The following TOGARAM2 variants were observed in gnomAD, a reference collection of about 807,000 sequenced individuals.
The protein encoded by TOGARAM2 is TOG array regulator of axonemal microtubules 2.
A neutral mutation model predicts 93.3 loss-of-function variants in TOGARAM2; 85 were observed. The observed-to-expected ratio is 0.91, with a 90% CI of 0.76 to 1.09. TOGARAM2 has a LOEUF of 1.09. Among genes scored for constraint, TOGARAM2 ranks in the 50% least tolerant of loss-of-function variants. The pLI is 0.00. For missense variants in TOGARAM2, 1,277 were observed against 1,334.5 expected (o/e 0.96, Z 0.67); for synonymous variants, 593 against 552.8 (o/e 1.07, Z -1.02).
At chr2:29,036,800 C>A in intron 18 of TOGARAM2, 43 bp downstream of exon 18, 1 of 1,564,756 alleles carries the variant, frequency 6.4e-7, no homozygotes, top group South Asian at 1.1e-5. Context: ...GTCACCATGT[C>A]CACCCTCCTG....
upstream of TOGARAM2, among the ~76,000 whole-genome samples, chr2:28,976,326 A>G (rs557948278): frequency 1.6e-4 from 24 of 152,304 alleles, no homozygotes; most frequent in African/African-American, 2.6e-4. Flanking sequence ...AGCTGAGATC[A>G]CACCACTGCA....
intron 13 of TOGARAM2, among the ~76,000 whole-genome samples, chr2:29,026,026 G>T (rs1163248862): frequency 6.6e-6 from 1 of 152,212 alleles, no homozygotes; most frequent in Non-Finnish European, 1.5e-5. Context: ...ATGCAGCTCA[G>T]CTTCCCTGGG....
intron 3 of TOGARAM2, among the ~76,000 whole-genome samples, chr2:28,998,702 C>G (rs1310264632): frequency 6.6e-6 from 1 of 152,186 alleles, no homozygotes; most frequent in Non-Finnish European, 1.5e-5. Context: ...TCTTCTAGAA[C>G]CTCTTACCTC....
intron 14 of TOGARAM2, among the ~76,000 whole-genome samples, chr2:29,032,287 G>T (rs1665812229): frequency 6.6e-6 from 1 of 152,052 alleles, no homozygotes; most frequent in African/African-American, 2.4e-5. Context: ...ATATCCCCCT[G>T]CTGACATGTC....
upstream of TOGARAM2, among the ~76,000 whole-genome samples, chr2:28,977,418 G>A (rs1363949745): frequency 1.3e-5 from 2 of 152,140 alleles, no homozygotes; most frequent in Non-Finnish European, 1.5e-5. Flanking sequence ...GGCCTGGGAT[G>A]GTCCTGGTTT....
chr2:28,976,069 T>C (rs1672021982), intron 1 of TOGARAM2, among the ~76,000 whole-genome samples: 1 of 152,192 alleles, frequency 6.6e-6, no homozygotes, highest in African/African-American at 2.4e-5. Context: ...CATGTTCTTA[T>C]AAAAACATAT....
At chr2:29,051,706 G>A (rs1221684333) in intron 19 of TOGARAM2, 50 bp from the exon 20 acceptor site, 5 of 1,411,754 alleles carry the variant, frequency 3.5e-6, no homozygotes. Context: ...AGGGAAGTGG[G>A]AGAGGGAGAG....
In TOGARAM2 at chr2:29,026,914, A is replaced by G; in HGVS notation, c.1915A>G (p.Ile639Val). 6.3e-7 allele frequency: 1 copy of G among 1,588,050 alleles called. No individual in the cohort carries two copies. Among genetic ancestry groups the G allele is most frequent in the Non-Finnish European group, 8.6e-7 (1 of 1,167,280 alleles). The change falls in exon 14 of 20, where the codon ATC becomes GTC. Residue 639 changes from isoleucine to valine, a missense_variant. Ile to Val is a conservative substitution (Grantham distance 29, BLOSUM62 3). Transcript: ENST00000379558. ...AEHLSAVLEQ[I>V]GAEKLLSGTR... ...GCACCTCTCAGCTGTGCTGGAGCAGATCGGCGCTGAGAAGCTTCTCTCGGG... is the reference window on the plus strand; with the variant it reads ...GCACCTCTCAGCTGTGCTGGAGCAGGTCGGCGCTGAGAAGCTTCTCTCGGG...
intron 6 of TOGARAM2, among the ~76,000 whole-genome samples, chr2:29,010,544 G>A (rs1366349867): frequency 1.3e-5 from 2 of 152,104 alleles, no homozygotes; most frequent in African/African-American, 2.4e-5. Flanking sequence ...CTGTCCTACC[G>A]CCCCTCCTGC....
chr2:28,957,853 C>T (rs1671749143), intron 1 of TOGARAM2, among the ~76,000 whole-genome samples: 3 of 152,072 alleles, frequency 2.0e-5, no homozygotes, highest in Admixed American at 2.0e-4. Context: ...TTGCCACTCT[C>T]TCACAGCTGG....
intron 10 of TOGARAM2, among the ~76,000 whole-genome samples, chr2:29,021,324 G>A (rs780104090): frequency 2.6e-5 from 4 of 152,154 alleles, no homozygotes; most frequent in Non-Finnish European, 4.4e-5. Flanking sequence ...GAGAAAACTC[G>A]CCAGGAAGGA....
At chr2:28,997,583 G>A (rs893933894) in intron 2 of TOGARAM2, among the ~76,000 whole-genome samples, 12 of 152,206 alleles carry the variant, frequency 7.9e-5, no homozygotes, top group African/African-American at 2.4e-4. Context: ...TTGCTGAGCC[G>A]AGGGACGTTA....
chr2:29,017,653 C>G (rs543517815), intron 9 of TOGARAM2, 139 bp from the exon 10 acceptor site: 1 of 811,668 alleles, frequency 1.2e-6, no homozygotes, highest in African/African-American at 1.8e-5. Flanking sequence ...TCAAGCCATC[C>G]TCCTACCTCG....
chr2:29,003,988 T>G (rs538567264), intron 6 of TOGARAM2, among the ~76,000 whole-genome samples: 1 of 152,214 alleles, frequency 6.6e-6, no homozygotes. Context: ...AAAACACTAA[T>G]TATTTTATCT....
chr2:29,012,462 G>C (rs1375689013), intron 7 of TOGARAM2, among the ~76,000 whole-genome samples: 1 of 152,184 alleles, frequency 6.6e-6, no homozygotes, highest in Non-Finnish European at 1.5e-5. Context: ...CAGGCAGTCT[G>C]TGGCGAAATG....
intron 17 of TOGARAM2, 34 bp downstream of exon 17, chr2:29,035,690 C>T: frequency 4.4e-6 from 6 of 1,353,396 alleles, no homozygotes; most frequent in Non-Finnish European, 5.8e-6. Context: ...TCCCACCTGT[C>T]TCTCCTCTGG....
At chr2:29,033,095 G>A (rs6750626) in intron 15 of TOGARAM2, 44 bp downstream of exon 15, 3 of 1,528,402 alleles carry the variant, frequency 2.0e-6, no homozygotes, top group African/African-American at 2.7e-5. Flanking sequence ...TTGGGGGTGG[G>A]GGTGACAGTG....
intron 1 of TOGARAM2, among the ~76,000 whole-genome samples, chr2:28,991,691 T>C (rs943635940): frequency 2.6e-5 from 4 of 152,208 alleles, no homozygotes; most frequent in Admixed American, 2.0e-4. Context: ...CCCTGTGGAC[T>C]GTGCGAGGCC....
chr2:29,022,326 C>T lies in TOGARAM2; in HGVS notation c.1511+18C>T, dbSNP rs1382238671. The stretch of plus-strand genomic sequence containing the variant: ...AGTGACTGGTGAGGAGATGCTTCCA[C>T]CACGTGCTGTGTTCTGGCCGGAAGC... On this transcript the variant is annotated intron_variant, in intron 11 of 19. Transcript: ENST00000379558. The T allele has an allele frequency of 1.9e-6, 3 of 1,613,300 alleles. No individual in the cohort carries two copies. The highest frequency in any genetic ancestry group is 2.7e-5 in the African/African-American group (2 of 74,926).
Sources: gnomAD v4.1 joint callset for allele counts (sites outside exome capture counted in the v4.1 genomes callset) on GRCh38, gnomAD v4.1.1 for gene constraint, MANE v1.5 for transcripts, NCBI Gene and HGNC (gene_info 2026-07-23, HGNC 2026-07-21) for gene names.